Variants in GNAO1 observed in about 807,000 individuals in gnomAD.
GNAO1 encodes guanine nucleotide-binding protein G(o) subunit alpha.
For synonymous variants in GNAO1, 164 were observed against 180.7 expected (o/e 0.91, Z 0.74); for missense variants, 166 against 478.7 (o/e 0.35, Z 6.10).
At chr16:56,224,762 C>T (rs369162459) in intron 2 of GNAO1, among the ~76,000 whole-genome samples, 31 of 152,342 alleles carry the variant, frequency 2.0e-4, no homozygotes, top group African/African-American at 6.7e-4. Context: ...CCACCGTGCC[C>T]GGCCCAGGAC....
At chr16:56,256,678 T>A (rs1418707051) in intron 2 of GNAO1, among the ~76,000 whole-genome samples, 1 of 139,284 alleles carries the variant, frequency 7.2e-6, no homozygotes, top group Non-Finnish European at 1.6e-5. Flanking sequence ...GTCAGTCTCT[T>A]TCTCTCTGTC....
At chr16:56,328,993 A>T in intron 4 of GNAO1, 1 of 574,516 alleles carries the variant, frequency 1.7e-6, no homozygotes, top group Non-Finnish European at 3.1e-6. Context: ...AAGAGGCCAG[A>T]GGAGGCAGAG....
At chr16:56,246,967 T>A (rs1241444362) in intron 2 of GNAO1, among the ~76,000 whole-genome samples, 2 of 152,250 alleles carry the variant, frequency 1.3e-5, no homozygotes, top group African/African-American at 4.8e-5. Flanking sequence ...GTATTAAGAA[T>A]AAATAAAATG....
intron 1 of GNAO1, 83 bp from the exon 2 acceptor site, chr16:56,192,491 C>G: frequency 1.1e-6 from 1 of 914,064 alleles, no homozygotes; most frequent in Non-Finnish European, 1.8e-6. Context: ...TCGCCCACCC[C>G]CTCGCATGCC....
Position 56,191,493 on chromosome 16 carries a change from C to G in GNAO1, c.-743C>G, listed in dbSNP as rs1256777245. The G allele has an allele frequency of 6.6e-6, 1 of 151,926 alleles. No individual in the cohort carries two copies. The highest frequency in any genetic ancestry group is 2.4e-5 in the African/African-American group (1 of 41,298). The allele number at this position is 151,926 out of a possible 1,614,324, so 9.4% of individuals were successfully genotyped here. ...CCCCTCCCTCCCTGCCTCTCTCTCT[C>G]TCCCTCTCCCTCGAGCTCCCGGCTG... On this transcript the variant is annotated 5_prime_UTR_variant, in exon 1 of 9. Coordinates refer to ENST00000262493, the MANE Select transcript of GNAO1 (RefSeq NM_020988.3). The surrounding 1 kb of genome is among the most constrained non-coding windows in gnomAD (Gnocchi z 4.7).
chr16:56,256,520 G>A (rs1478468), intron 2 of GNAO1, among the ~76,000 whole-genome samples: 12,592 of 152,062 alleles, frequency 0.083, 571 homozygotes, highest in African/African-American at 0.11. Context: ...CTTGTTTCCC[G>A]CATGTACCCC....
chr16:56,218,323 G>C (rs1414461303), intron 2 of GNAO1, among the ~76,000 whole-genome samples: 2 of 152,188 alleles, frequency 1.3e-5, no homozygotes, highest in Non-Finnish European at 2.9e-5. Flanking sequence ...CCACTGCCTT[G>C]TGTAGTAGTT....
At chr16:56,240,730 T>TGAGCC in intron 2 of GNAO1, among the ~76,000 whole-genome samples, 1 of 152,148 alleles carries the variant, frequency 6.6e-6, no homozygotes, top group East Asian at 1.9e-4. Flanking sequence ...CTCTCCAGGC[T>TGAGCC]CAGGGTGCCT....
intron 3 of GNAO1, among the ~76,000 whole-genome samples, chr16:56,285,211 C>T (rs1380412953): frequency 2.0e-5 from 3 of 152,236 alleles, no homozygotes; most frequent in Non-Finnish European, 4.4e-5. Context: ...TGATGCCTTG[C>T]GCTTGTGTGC....
chr16:56,251,804 C>T (rs1423195918), intron 2 of GNAO1, among the ~76,000 whole-genome samples: 3 of 152,174 alleles, frequency 2.0e-5, no homozygotes, highest in Non-Finnish European at 4.4e-5. Flanking sequence ...GTCTGCCTGT[C>T]TCCCTCTCAC....
At chr16:56,333,322 C>T (rs1596870518) in intron 4 of GNAO1, among the ~76,000 whole-genome samples, 1 of 151,730 alleles carries the variant, frequency 6.6e-6, no homozygotes, top group Non-Finnish European at 1.5e-5. Context: ...AAGCGATTCT[C>T]CTGCCTCAGC....
intron 2 of GNAO1, among the ~76,000 whole-genome samples, chr16:56,233,398 G>A (rs1596811988): frequency 6.6e-6 from 1 of 152,228 alleles, no homozygotes; most frequent in African/African-American, 2.4e-5. Flanking sequence ...TGTATGGAGA[G>A]CAATACACGT....
intron 2 of GNAO1, among the ~76,000 whole-genome samples, chr16:56,205,997 G>A (rs1212586933): frequency 2.6e-5 from 4 of 152,072 alleles, no homozygotes; most frequent in African/African-American, 9.7e-5. Context: ...TAGACCACAG[G>A]GAGGGAAAAA....
chr16:56,268,095 C>G (rs1358207134), intron 2 of GNAO1, among the ~76,000 whole-genome samples: 4 of 152,226 alleles, frequency 2.6e-5, no homozygotes, highest in African/African-American at 9.6e-5. Flanking sequence ...TGTCCCTGCT[C>G]TGCCACAAAC....
intron 2 of GNAO1, chr16:56,245,553 T>A (rs759197601): frequency 1.9e-5 from 3 of 154,788 alleles, no homozygotes; most frequent in Non-Finnish European, 4.4e-5. Flanking sequence ...AGCTGATGGT[T>A]GTATCTATGA....
rs552655780 is a variant in GNAO1, at chr16:56,241,026, A to G, written c.162-34905A>G. 3.3e-5 allele frequency among the ~76,000 whole-genome samples: 5 copies of G among 152,054 alleles called. No homozygotes were observed. In the South Asian group the frequency reaches 1.0e-3, roughly 32 times the overall value. ...CGTCCAGCTCTCTCTAGGGCTCCGT[A>G]CTCTCTGTGTACATGGTGGCCCAGG... is the stretch of plus-strand genomic sequence containing the variant. On this transcript the variant is annotated intron_variant, in intron 2 of 8. Coordinates refer to ENST00000262493, the MANE Select transcript of GNAO1 (RefSeq NM_020988.3).
At chr16:56,302,107 C>A (rs986331876) in intron 3 of GNAO1, 1 of 152,472 alleles carries the variant, frequency 6.6e-6, no homozygotes, top group African/African-American at 2.4e-5. Context: ...TCTACTTCAG[C>A]CCCACTGTCA....
chr16:56,202,693 A>G (rs1384893674), intron 2 of GNAO1, among the ~76,000 whole-genome samples: 1 of 152,198 alleles, frequency 6.6e-6, no homozygotes, highest in Non-Finnish European at 1.5e-5. Flanking sequence ...TGAGGACAGG[A>G]AGTTGAGGGA....
intron 3 of GNAO1, among the ~76,000 whole-genome samples, chr16:56,314,713 G>A (rs1389587094): frequency 6.6e-6 from 1 of 152,138 alleles, no homozygotes; most frequent in Non-Finnish European, 1.5e-5. Context: ...TGCTACTTTT[G>A]CACCATCCGT....
Sources: allele counts gnomAD v4.1 joint callset (sites outside exome capture counted in the v4.1 genomes callset), GRCh38; gene constraint gnomAD v4.1.1; non-coding constraint Gnocchi (gnomAD v3.1); transcripts MANE v1.5; gene names NCBI Gene and HGNC (gene_info 2026-07-23, HGNC 2026-07-21).